Variants in ULK4 observed in about 807,000 individuals in gnomAD.
ULK4 encodes inactive serine/threonine-protein kinase ULK4.
ULK4 carries 133 observed loss-of-function variants against 160.6 expected under a neutral mutation model. The ratio of observed to expected loss-of-function variants is 0.83; its 90% CI spans 0.72 to 0.96. ULK4 has a LOEUF of 0.96. Among genes scored for constraint, ULK4 ranks in the 40% least tolerant of loss-of-function variants. The pLI is 0.00. For synonymous variants in ULK4, 534 were observed against 539.8 expected, an observed-to-expected ratio of 0.99 and a Z score of 0.15; for missense variants, 1,580 against 1,499.5, an observed-to-expected ratio of 1.05 and a Z score of -0.89.
At position 41,737,832 on chromosome 3, in the gene ULK4, A is replaced by C. The variant is rs1037689120; in HGVS notation, c.2321+16529T>G. Among the ~76,000 whole-genome samples the C allele has an allele frequency of 3.9e-5, 6 of 151,928 alleles. 1 individual carries two copies. The highest frequency in any genetic ancestry group is 1.5e-4 in the African/African-American group (6 of 41,212). ...ATAAATAAGTTTGGGCCCAAATTCAAATTACAGTGACCCCAGCACATCTAT... is the reference window on the plus strand; with the variant it reads ...ATAAATAAGTTTGGGCCCAAATTCACATTACAGTGACCCCAGCACATCTAT... On this transcript the variant is annotated intron_variant, in intron 22 of 36. Transcript: ENST00000301831.
intron 25 of ULK4, among the ~76,000 whole-genome samples, chr3:41,713,751 G>A (rs2037175987): frequency 6.6e-6 from 1 of 152,104 alleles, no homozygotes; most frequent in Non-Finnish European, 1.5e-5. Flanking sequence ...CACTCAGTGT[G>A]GCCTCCTCCC....
At chr3:41,338,935 T>C (rs911518925) in intron 35 of ULK4, among the ~76,000 whole-genome samples, 2 of 151,948 alleles carry the variant, frequency 1.3e-5, no homozygotes, top group Admixed American at 6.5e-5. Context: ...CTTTTTGTTC[T>C]ATTCAGGCCC....
At chr3:41,442,124 G>C (rs1215818232) in intron 34 of ULK4, among the ~76,000 whole-genome samples, 1 of 152,108 alleles carries the variant, frequency 6.6e-6, no homozygotes, top group Non-Finnish European at 1.5e-5. Context: ...CCAAAATGGG[G>C]AAAAATGGAA....
chr3:41,252,407 A>G (rs2078758597), intron 35 of ULK4, among the ~76,000 whole-genome samples: 2 of 152,350 alleles, frequency 1.3e-5, no homozygotes, highest in African/African-American at 4.8e-5. Flanking sequence ...GTATTACAAT[A>G]GAATATATCA....
chr3:41,472,999 G>GA (rs902870507), intron 32 of ULK4, among the ~76,000 whole-genome samples: 24 of 151,910 alleles, frequency 1.6e-4, no homozygotes, highest in Admixed American at 1.6e-3. Context: ...AAGAATGAAG[G>GA]AAAAAAATTA....
Position 41,898,495 on chromosome 3 carries a change from G to A in ULK4, c.1288-3C>T, listed in dbSNP as rs1698243965. 6.3e-7 allele frequency: 1 copy of A among 1,575,042 alleles called. No homozygotes were observed. Among genetic ancestry groups the A allele is most frequent in the African/African-American group, 1.4e-5 (1 of 73,334 alleles). On this transcript the variant is annotated splice_region_variant and splice_polypyrimidine_tract_variant and intron_variant, in intron 13 of 36. Transcript: ENST00000301831. Reference sequence around the variant, plus strand: ...TTAACTGGTGGCTGTTTCATTATCTGTGGTTTAAAAAAAAAGAAAGCTTTT... The same window carrying A: ...TTAACTGGTGGCTGTTTCATTATCTATGGTTTAAAAAAAAAGAAAGCTTTT...
At chr3:41,325,361 CTAAATA>C (rs2080321230) in intron 35 of ULK4, among the ~76,000 whole-genome samples, 1 of 152,048 alleles carries the variant, frequency 6.6e-6, no homozygotes, top group African/African-American at 2.4e-5. Flanking sequence ...TTTTCAAAAC[CTAAATA>C]TAAATACTTC....
intron 22 of ULK4, among the ~76,000 whole-genome samples, chr3:41,745,081 A>G (rs1423718063): frequency 6.6e-6 from 1 of 151,680 alleles, no homozygotes; most frequent in African/African-American, 2.4e-5. Flanking sequence ...ACAGAGTTAT[A>G]GAAATAATGC....
intron 19 of ULK4, among the ~76,000 whole-genome samples, chr3:41,801,841 AC>A (rs2040468594): frequency 1.3e-5 from 2 of 151,956 alleles, no homozygotes; most frequent in Admixed American, 1.3e-4. Flanking sequence ...ACAAAGCAAG[AC>A]CCTGTCTCAA....
intron 34 of ULK4, among the ~76,000 whole-genome samples, chr3:41,442,748 T>G (rs954461149): frequency 6.6e-6 from 1 of 152,094 alleles, no homozygotes; most frequent in Non-Finnish European, 1.5e-5. Flanking sequence ...CATGAGCCAC[T>G]GCACCTGGTC....
At chr3:41,361,956 G>A (rs986919527) in intron 35 of ULK4, among the ~76,000 whole-genome samples, 2 of 152,184 alleles carry the variant, frequency 1.3e-5, no homozygotes, top group African/African-American at 4.8e-5. Flanking sequence ...GTGGGTCACT[G>A]TATTTTCAGA....
At chr3:41,929,619 T>C (rs1405365208) in intron 5 of ULK4, among the ~76,000 whole-genome samples, 1 of 152,188 alleles carries the variant, frequency 6.6e-6, no homozygotes, top group Non-Finnish European at 1.5e-5. Context: ...CTCCTAAAGC[T>C]GATAAGCAAC....
intron 35 of ULK4, among the ~76,000 whole-genome samples, chr3:41,265,698 T>C (rs1290313189): frequency 6.6e-6 from 1 of 152,072 alleles, no homozygotes; most frequent in Admixed American, 6.5e-5. Flanking sequence ...TTTCAGAAAA[T>C]GAGCAGCCCC....
intron 35 of ULK4, among the ~76,000 whole-genome samples, chr3:41,279,529 TG>T (rs2079308145): frequency 6.6e-6 from 1 of 150,978 alleles, no homozygotes; most frequent in South Asian, 2.1e-4. Context: ...AAGGTTGAAA[TG>T]AAGGAAAAAA....
intron 31 of ULK4, among the ~76,000 whole-genome samples, chr3:41,575,808 TG>T (rs1259228960): frequency 7.2e-5 from 11 of 152,240 alleles, no homozygotes; most frequent in Non-Finnish European, 1.5e-4. Flanking sequence ...AGGTTAATTG[TG>T]TCACTTGGCT....
At chr3:41,485,653 G>A (rs184888987) in intron 32 of ULK4, among the ~76,000 whole-genome samples, 22 of 152,278 alleles carry the variant, frequency 1.4e-4, no homozygotes, top group African/African-American at 4.6e-4. Context: ...CTGATGTTGC[G>A]GGAGGTGTAG....
At chr3:41,956,814 T>C (rs1422178386) in intron 1 of ULK4, among the ~76,000 whole-genome samples, 1 of 152,236 alleles carries the variant, frequency 6.6e-6, no homozygotes, top group African/African-American at 2.4e-5. Flanking sequence ...TATATATTGC[T>C]TATGGCTGCT....
At chr3:41,415,951 CA>C (rs1371986950) in intron 34 of ULK4, among the ~76,000 whole-genome samples, 2 of 152,134 alleles carry the variant, frequency 1.3e-5, no homozygotes, top group Non-Finnish European at 2.9e-5. Context: ...TCAAGTAATG[CA>C]AATGATGTGA....
intron 35 of ULK4, among the ~76,000 whole-genome samples, chr3:41,286,512 G>A (rs975116461): frequency 3.2e-4 from 49 of 152,228 alleles, no homozygotes; most frequent in African/African-American, 1.1e-3. Context: ...ACCAGCAGAC[G>A]GTGCCAGAGA....
Sources: gnomAD v4.1 joint callset for allele counts (sites outside exome capture counted in the v4.1 genomes callset) on GRCh38, gnomAD v4.1.1 for gene constraint, MANE v1.5 for transcripts, NCBI Gene and HGNC (gene_info 2026-07-23, HGNC 2026-07-21) for gene names.